The following RABGAP1L variants were observed in gnomAD, a reference collection of about 807,000 sequenced individuals.
RABGAP1L encodes the protein rab GTPase-activating protein 1-like.
Under a neutral mutation model 137.7 loss-of-function variants are expected in RABGAP1L, and 63 were observed. The observed-to-expected ratio is 0.46, with a 90% confidence interval of 0.37 to 0.56. The LOEUF (loss-of-function observed/expected upper bound fraction) is 0.56, where lower values mean the gene tolerates loss of function less well. RABGAP1L is among the 20% of genes least tolerant of loss of function. The pLI, the probability that RABGAP1L is intolerant of heterozygous loss-of-function variation, is 0.00. For missense variants in RABGAP1L, 1,095 were observed against 1,244.0 expected (o/e 0.88, Z 1.80); for synonymous variants, 431 against 433.7 (o/e 0.99, Z 0.08).
chr1:174,239,810 A>C (rs897255506), intron 4 of RABGAP1L, among the ~76,000 whole-genome samples: 4 of 152,220 alleles, frequency 2.6e-5, no homozygotes, highest in Non-Finnish European at 4.4e-5. Flanking sequence ...TGGAGCCTGG[A>C]ATATTCTCTG....
At chr1:174,898,960 G>A (rs1029124409) in intron 19 of RABGAP1L, among the ~76,000 whole-genome samples, 1 of 152,148 alleles carries the variant, frequency 6.6e-6, no homozygotes, top group Non-Finnish European at 1.5e-5. Context: ...AAGAGAGGTA[G>A]TGCTAAATCC....
intron 15 of RABGAP1L, among the ~76,000 whole-genome samples, chr1:174,697,229 C>T (rs1033310130): frequency 1.3e-5 from 2 of 152,202 alleles, no homozygotes; most frequent in African/African-American, 4.8e-5. Flanking sequence ...AACATATTCC[C>T]TTTATAAGAC....
intron 7 of RABGAP1L, among the ~76,000 whole-genome samples, chr1:174,257,539 T>C (rs1247275589): frequency 1.3e-5 from 2 of 152,194 alleles, no homozygotes; most frequent in Non-Finnish European, 2.9e-5. Context: ...CCCACCCTTA[T>C]ATTCATACAA....
intron 3 of RABGAP1L, among the ~76,000 whole-genome samples, chr1:174,229,695 T>A (rs1348640676): frequency 6.6e-6 from 1 of 152,176 alleles, no homozygotes; most frequent in Non-Finnish European, 1.5e-5. Context: ...GTTCCAAGTC[T>A]TTGCTATTGT....
At chr1:174,771,253 A>C (rs1686087285) in intron 18 of RABGAP1L, among the ~76,000 whole-genome samples, 1 of 152,176 alleles carries the variant, frequency 6.6e-6, no homozygotes, top group Non-Finnish European at 1.5e-5. Context: ...ACCTTTTAAC[A>C]CTTAATTTCC....
intron 17 of RABGAP1L, among the ~76,000 whole-genome samples, chr1:174,710,247 T>C (rs1376537345): frequency 6.6e-6 from 1 of 152,104 alleles, no homozygotes; most frequent in African/African-American, 2.4e-5. Context: ...CTTCAGGATA[T>C]TATCCAGGAG....
At chr1:174,173,781 G>A (rs909609006) in intron 1 of RABGAP1L, among the ~76,000 whole-genome samples, 1 of 152,072 alleles carries the variant, frequency 6.6e-6, no homozygotes, top group Non-Finnish European at 1.5e-5. Context: ...CAAGGAAGGG[G>A]CACCACAAGG....
chr1:174,393,868 C>A (rs1647475277), intron 12 of RABGAP1L, 127 bp from the exon 13 acceptor site: 2 of 949,686 alleles, frequency 2.1e-6, no homozygotes, highest in African/African-American at 1.7e-5. Context: ...TTGTTTAATG[C>A]CCCCCCACAA....
At chr1:174,522,277 G>A (rs779206427) in intron 13 of RABGAP1L, among the ~76,000 whole-genome samples, 3 of 152,142 alleles carry the variant, frequency 2.0e-5, no homozygotes, top group Non-Finnish European at 4.4e-5. Context: ...TTCTTGCATT[G>A]CTATAAAGAA....
At chr1:174,722,758 C>T (rs1681674176) in intron 17 of RABGAP1L, among the ~76,000 whole-genome samples, 1 of 151,896 alleles carries the variant, frequency 6.6e-6, no homozygotes, top group African/African-American at 2.4e-5. Context: ...GCCTTTATCT[C>T]AAGCTTCTAC....
At chr1:174,176,347 T>C (rs1163687165) in intron 1 of RABGAP1L, among the ~76,000 whole-genome samples, 1 of 152,172 alleles carries the variant, frequency 6.6e-6, no homozygotes, top group Non-Finnish European at 1.5e-5. Flanking sequence ...TTATAACTCG[T>C]CATTTGTAAG....
At chr1:174,948,386 G>C (rs1667201130) in intron 19 of RABGAP1L, among the ~76,000 whole-genome samples, 1 of 151,652 alleles carries the variant, frequency 6.6e-6, no homozygotes, top group South Asian at 2.1e-4. Context: ...GCCAGGTATG[G>C]TGGCGGGTGC....
chr1:174,972,171 A>G (rs1163740911), intron 21 of RABGAP1L, among the ~76,000 whole-genome samples: 2 of 152,212 alleles, frequency 1.3e-5, no homozygotes, highest in Non-Finnish European at 2.9e-5. Context: ...CCCTATTTGC[A>G]AGGAACAAAA....
chr1:174,551,021 T>TATATATATATATATATATATAC (rs1553330343), intron 13 of RABGAP1L, among the ~76,000 whole-genome samples: 4 of 122,812 alleles, frequency 3.3e-5, no homozygotes, highest in African/African-American at 1.5e-4. Flanking sequence ...TATATATATA[T>TATATATATATATATATATATAC]ACATACACAC....
chr1:174,443,401 G>T (rs577806554), intron 13 of RABGAP1L, among the ~76,000 whole-genome samples: 1 of 151,874 alleles, frequency 6.6e-6, no homozygotes, highest in South Asian at 2.1e-4. Context: ...TTGTCTTTTT[G>T]GTAATAGCCA....
At chr1:174,391,194 A>G (rs1687183886) in intron 12 of RABGAP1L, among the ~76,000 whole-genome samples, 1 of 152,214 alleles carries the variant, frequency 6.6e-6, no homozygotes. Context: ...GCCATGTTGA[A>G]CTGAATTGAG....
At chr1:174,418,939 G>A (rs1011508561) in intron 13 of RABGAP1L, among the ~76,000 whole-genome samples, 3 of 152,146 alleles carry the variant, frequency 2.0e-5, no homozygotes, top group African/African-American at 7.2e-5. Context: ...TCAGGAGGCT[G>A]AGGCAGGAGA....
At chr1:174,704,297 G>A (rs1161152400) in intron 17 of RABGAP1L, among the ~76,000 whole-genome samples, 1 of 152,180 alleles carries the variant, frequency 6.6e-6, no homozygotes, top group Non-Finnish European at 1.5e-5. Context: ...TAAAAGGAAA[G>A]TCTAATGATT....
chr1:174,171,226 A>C (rs1279207364), intron 1 of RABGAP1L, among the ~76,000 whole-genome samples: 1 of 152,198 alleles, frequency 6.6e-6, no homozygotes, highest in African/African-American at 2.4e-5. Flanking sequence ...AATATCCTCA[A>C]ATTAGCGAGA....
Sources: gnomAD v4.1 joint callset for allele counts (sites outside exome capture counted in the v4.1 genomes callset) on GRCh38, gnomAD v4.1.1 for gene constraint, MANE v1.5 for transcripts, NCBI Gene and HGNC (gene_info 2026-07-23, HGNC 2026-07-21) for gene names.